The following SLC24A2 variants were observed in gnomAD, a reference collection of about 807,000 sequenced individuals.
The protein encoded by SLC24A2 is sodium/potassium/calcium exchanger 2.
Under a neutral mutation model 62.0 loss-of-function variants are expected in SLC24A2, and 36 were observed. The observed-to-expected ratio is 0.58, with a 90% confidence interval of 0.44 to 0.77. The LOEUF (loss-of-function observed/expected upper bound fraction) is 0.77. SLC24A2 is among the 30% of genes least tolerant of loss of function. The pLI, the probability that SLC24A2 is intolerant of heterozygous loss-of-function variation, is 0.00. For missense variants in SLC24A2, 846 were observed against 817.9 expected, an observed-to-expected ratio of 1.03 and a Z score of -0.42; for synonymous variants, 358 against 294.0, an observed-to-expected ratio of 1.22 and a Z score of -2.23.
At chr9:19,687,879 T>G (rs1030297524) in intron 2 of SLC24A2, among the ~76,000 whole-genome samples, 5 of 152,072 alleles carry the variant, frequency 3.3e-5, no homozygotes, top group African/African-American at 1.2e-4. Context: ...TTGCGTTACT[T>G]AAATGTTAAT....
the SLC24A2 span, among the ~76,000 whole-genome samples, chr9:19,889,978 T>C: frequency 3.9e-5 from 6 of 152,152 alleles, no homozygotes; most frequent in Admixed American, 3.3e-4. Flanking sequence ...GCATTTCTAA[T>C]ATTTTGATCC....
chr9:19,960,649 T>C, the SLC24A2 span, among the ~76,000 whole-genome samples: 1 of 152,208 alleles, frequency 6.6e-6, no homozygotes, highest in Non-Finnish European at 1.5e-5. Flanking sequence ...GTACTTAGTG[T>C]GTCCCACAGA....
At chr9:19,898,750 A>T in the SLC24A2 span, among the ~76,000 whole-genome samples, 34 of 82,124 alleles carry the variant, frequency 4.1e-4, no homozygotes, top group African/African-American at 9.1e-4. Context: ...TCAAAAAAAA[A>T]AAAAAAAAAA....
At chr9:19,603,120 T>C (rs1836885209) in intron 4 of SLC24A2, among the ~76,000 whole-genome samples, 1 of 152,130 alleles carries the variant, frequency 6.6e-6, no homozygotes, top group Non-Finnish European at 1.5e-5. Context: ...TCAGAAAATC[T>C]GTTTGAGCTC....
chr9:19,838,266 A>G, the SLC24A2 span, among the ~76,000 whole-genome samples: 4 of 151,808 alleles, frequency 2.6e-5, no homozygotes, highest in South Asian at 8.3e-4. Context: ...ATAATGCCAC[A>G]TATCTACAAC....
chr9:19,992,519 T>G, the SLC24A2 span, among the ~76,000 whole-genome samples: 1 of 152,230 alleles, frequency 6.6e-6, no homozygotes, highest in African/African-American at 2.4e-5. Context: ...TTGGCTAGTC[T>G]TTGGAACCAC....
chr9:19,596,202 G>T (rs569442397), intron 5 of SLC24A2, among the ~76,000 whole-genome samples: 1 of 152,328 alleles, frequency 6.6e-6, no homozygotes, highest in East Asian at 1.9e-4. Context: ...GCAACTAGGA[G>T]ATCTTTGGCA....
At chr9:19,949,306 T>C in the SLC24A2 span, among the ~76,000 whole-genome samples, 2 of 152,172 alleles carry the variant, frequency 1.3e-5, no homozygotes, top group African/African-American at 4.8e-5. Context: ...CACCTTCCAT[T>C]TAATCCAATC....
rs1355734280 is a variant in SLC24A2, at chr9:19,512,383, C to A, written c.*3770G>T. ...CCGCCTCTTTTTATAATCTTCTGGG[C>A]AAGGCTTTAGGACATTCTGCTGCAT... On this transcript the variant is annotated 3_prime_UTR_variant, in exon 11 of 11. Transcript: ENST00000341998. 6.6e-6 allele frequency: 1 copy of A among 152,216 alleles called. No homozygotes were observed. Among genetic ancestry groups the A allele is most frequent in the African/African-American group, 2.4e-5 (1 of 41,444 alleles). The allele number at this position is 152,216 out of a possible 1,614,324, so 9.4% of individuals were successfully genotyped here.
chr9:19,627,342 GAGA>G (rs1475727726), intron 2 of SLC24A2, among the ~76,000 whole-genome samples: 1 of 152,150 alleles, frequency 6.6e-6, no homozygotes, highest in Admixed American at 6.5e-5. Context: ...AAAATTTTTT[GAGA>G]AGAATAGATA....
the SLC24A2 span, among the ~76,000 whole-genome samples, chr9:20,112,690 C>G: frequency 6.6e-6 from 1 of 152,034 alleles, no homozygotes; most frequent in Non-Finnish European, 1.5e-5. Context: ...TGTGTCAGCC[C>G]TTTTTCTCCC....
the SLC24A2 span, among the ~76,000 whole-genome samples, chr9:19,841,020 T>C: frequency 6.6e-6 from 1 of 152,210 alleles, no homozygotes; most frequent in African/African-American, 2.4e-5. Flanking sequence ...GTTTATAGTT[T>C]TTTTTTATGA....
chr9:19,859,635 A>T, the SLC24A2 span, among the ~76,000 whole-genome samples: 2 of 152,232 alleles, frequency 1.3e-5, no homozygotes, highest in Non-Finnish European at 2.9e-5. Context: ...AGAACCAAAA[A>T]TCAGGTGAGC....
chr9:19,863,210 G>T, the SLC24A2 span, among the ~76,000 whole-genome samples: 1 of 151,980 alleles, frequency 6.6e-6, no homozygotes, highest in African/African-American at 2.4e-5. Flanking sequence ...AAATATATAT[G>T]CACCCAACAC....
chr9:19,774,115 A>G (rs1367334633), intron 2 of SLC24A2, among the ~76,000 whole-genome samples: 1 of 152,166 alleles, frequency 6.6e-6, no homozygotes, highest in African/African-American at 2.4e-5. Flanking sequence ...AGGGAAAGAT[A>G]GGACTGAAGA....
At chr9:20,045,435 T>G in the SLC24A2 span, among the ~76,000 whole-genome samples, 87 of 152,176 alleles carry the variant, frequency 5.7e-4, 1 homozygote, top group East Asian at 0.016. Context: ...ATTATTATTA[T>G]TATCATTATT....
the SLC24A2 span, among the ~76,000 whole-genome samples, chr9:20,302,737 T>C: frequency 2.6e-4 from 39 of 152,372 alleles, no homozygotes; most frequent in Admixed American, 5.9e-4. Context: ...TTTAATGAAG[T>C]CTGGCTTATC....
At chr9:19,960,331 C>T in the SLC24A2 span, among the ~76,000 whole-genome samples, 172 of 152,294 alleles carry the variant, frequency 1.1e-3, 4 homozygotes, top group East Asian at 0.031. Flanking sequence ...CCTTCCCTTC[C>T]CTTCCATTCT....
the SLC24A2 span, among the ~76,000 whole-genome samples, chr9:20,257,265 T>G: frequency 6.6e-6 from 1 of 152,206 alleles, no homozygotes; most frequent in South Asian, 2.1e-4. Flanking sequence ...AAAAAATATT[T>G]TTTAAGGCTT....
Sources: gnomAD v4.1 joint callset for allele counts (sites outside exome capture counted in the v4.1 genomes callset) on GRCh38, gnomAD v4.1.1 for gene constraint, MANE v1.5 for transcripts, NCBI Gene and HGNC (gene_info 2026-07-23, HGNC 2026-07-21) for gene names.